The following FILIP1L variants were observed in gnomAD, a reference collection of about 807,000 sequenced individuals.
The protein encoded by FILIP1L is filamin A interacting protein 1 like, also known as filamin A-interacting protein 1-like.
A neutral mutation model predicts 96.6 loss-of-function variants in FILIP1L; 55 were observed. That is an observed-to-expected ratio of 0.57 (90% CI 0.46 to 0.71). FILIP1L has a LOEUF of 0.71. FILIP1L is among the 30% of genes least tolerant of loss of function. FILIP1L has a pLI of 0.00. For missense variants in FILIP1L, 1,304 were observed against 1,321.2 expected, an observed-to-expected ratio of 0.99 and a Z score of 0.20; for synonymous variants, 467 against 473.9, an observed-to-expected ratio of 0.99 and a Z score of 0.19.
intron 1 of FILIP1L, among the ~76,000 whole-genome samples, chr3:100,006,480 A>G (rs1709989682): frequency 6.6e-6 from 1 of 152,082 alleles, no homozygotes; most frequent in South Asian, 2.1e-4. Flanking sequence ...TGAGGTTATC[A>G]TCTATAATTT....
chr3:100,022,627 A>T (rs976127062), intron 1 of FILIP1L, among the ~76,000 whole-genome samples: 4 of 152,218 alleles, frequency 2.6e-5, no homozygotes, highest in Admixed American at 2.6e-4. Flanking sequence ...ATACCCAGAA[A>T]CTGGCCAAGC....
chr3:99,848,068 A>G, intron 5 of FILIP1L: 1 of 1,309,718 alleles, frequency 7.6e-7, no homozygotes. Context: ...TTTCCATACA[A>G]GTATGTAAAT....
intron 1 of FILIP1L, among the ~76,000 whole-genome samples, chr3:100,098,829 A>C (rs2066256925): frequency 6.6e-6 from 1 of 152,238 alleles, no homozygotes; most frequent in Non-Finnish European, 1.5e-5. Context: ...GGGATCTCAA[A>C]TGGCTTCCTT....
At chr3:99,912,441 A>G (rs1159989646) in intron 4 of FILIP1L, among the ~76,000 whole-genome samples, 1 of 152,098 alleles carries the variant, frequency 6.6e-6, no homozygotes, top group Non-Finnish European at 1.5e-5. Flanking sequence ...TAATGGCGTG[A>G]TCTCGGCTTA....
intron 4 of FILIP1L, among the ~76,000 whole-genome samples, chr3:99,916,851 G>A (rs564325162): frequency 2.6e-4 from 40 of 152,222 alleles, no homozygotes; most frequent in Middle Eastern, 6.8e-3. Context: ...TCATCTTCAC[G>A]GCTGGCCAAA....
At chr3:99,832,335 A>C (rs1159279179) in intron 5 of FILIP1L, among the ~76,000 whole-genome samples, 10 of 144,196 alleles carry the variant, frequency 6.9e-5, no homozygotes, top group African/African-American at 2.3e-4. Context: ...GGCTCCCGCC[A>C]TTCTCCTGCC....
chr3:99,842,566 C>G (rs1251064764), intron 5 of FILIP1L, among the ~76,000 whole-genome samples: 1 of 149,948 alleles, frequency 6.7e-6, no homozygotes, highest in Admixed American at 6.6e-5. Flanking sequence ...GACCATTTGG[C>G]TATGAGGAGG....
intron 1 of FILIP1L, among the ~76,000 whole-genome samples, chr3:99,956,369 G>A (rs1387937994): frequency 6.6e-6 from 1 of 152,024 alleles, no homozygotes; most frequent in Non-Finnish European, 1.5e-5. Context: ...GTTTGTTTTT[G>A]TGAGATGGAC....
chr3:100,114,207 C>T lies in FILIP1L; in HGVS notation c.-165G>A, dbSNP rs957463597. 6.6e-6 allele frequency: 1 copy of T among 152,114 alleles called. No individual in the cohort carries two copies. Among genetic ancestry groups the T allele is most frequent in the Non-Finnish European group, 1.5e-5 (1 of 68,076 alleles). 9.4% of individuals were successfully genotyped at this position (152,114 alleles called of 1,614,324 possible). ...TTTGTTTTGTAGGCTTGAAAGCCACCGAGAGTTTGCAACCAGGGGCCAGTG... is the reference window on the plus strand; with the variant it reads ...TTTGTTTTGTAGGCTTGAAAGCCACTGAGAGTTTGCAACCAGGGGCCAGTG... On this transcript the variant is annotated 5_prime_UTR_variant, in exon 1 of 6. Coordinates refer to ENST00000477258, the MANE Select transcript of FILIP1L (RefSeq NM_001387850.1).
intron 1 of FILIP1L, among the ~76,000 whole-genome samples, chr3:99,956,636 C>T (rs566306572): frequency 3.3e-5 from 5 of 152,196 alleles, no homozygotes; most frequent in African/African-American, 1.2e-4. Context: ...CGTGAGCCCC[C>T]GCGCCCAGCC....
At chr3:99,946,904 G>C (rs551502259) in intron 1 of FILIP1L, among the ~76,000 whole-genome samples, 49 of 152,258 alleles carry the variant, frequency 3.2e-4, no homozygotes, top group African/African-American at 1.2e-3. Flanking sequence ...GCTAACAGAG[G>C]TGGGCGGATC....
chr3:99,928,596 A>T (rs964868623), intron 3 of FILIP1L, among the ~76,000 whole-genome samples: 3 of 152,134 alleles, frequency 2.0e-5, no homozygotes, highest in Non-Finnish European at 4.4e-5. Flanking sequence ...ATTATTTTGT[A>T]ATTAAATTTT....
At chr3:99,853,152 C>A (rs1943788769) in intron 4 of FILIP1L, among the ~76,000 whole-genome samples, 1 of 152,136 alleles carries the variant, frequency 6.6e-6, no homozygotes, top group South Asian at 2.1e-4. Context: ...ACTTCTCAAC[C>A]CAGTGGCAGA....
At chr3:100,068,934 C>T (rs2107366415) in intron 1 of FILIP1L, among the ~76,000 whole-genome samples, 1 of 152,306 alleles carries the variant, frequency 6.6e-6, no homozygotes, top group Middle Eastern at 3.4e-3. Context: ...TGCTCTCACC[C>T]TCGCCCAGCA....
At chr3:100,046,452 A>T (rs539422436) in intron 1 of FILIP1L, among the ~76,000 whole-genome samples, 15 of 151,812 alleles carry the variant, frequency 9.9e-5, no homozygotes, top group African/African-American at 3.6e-4. Flanking sequence ...GTTTACTAGT[A>T]GTAGCCTAAC....
At chr3:100,007,844 C>T (rs1205392230) in intron 1 of FILIP1L, among the ~76,000 whole-genome samples, 2 of 152,148 alleles carry the variant, frequency 1.3e-5, no homozygotes, top group East Asian at 1.9e-4. Flanking sequence ...GGAGTACAGA[C>T]AGGTGTCTAT....
At chr3:99,875,153 CT>C (rs1705447280) in intron 4 of FILIP1L, among the ~76,000 whole-genome samples, 1 of 152,034 alleles carries the variant, frequency 6.6e-6, no homozygotes, top group Non-Finnish European at 1.5e-5. Context: ...TTGACATAAC[CT>C]TTTTATTTTT....
intron 1 of FILIP1L, among the ~76,000 whole-genome samples, chr3:100,082,456 T>C (rs1251605977): frequency 6.6e-6 from 1 of 152,222 alleles, no homozygotes; most frequent in Admixed American, 6.5e-5. Context: ...GACTGGTAGT[T>C]AGTTAATGGT....
At chr3:99,875,982 A>G in intron 4 of FILIP1L, 1 of 874,052 alleles carries the variant, frequency 1.1e-6, no homozygotes. Flanking sequence ...TGTGATGCTG[A>G]GACAGCTTTA....
Sources: allele counts gnomAD v4.1 joint callset (sites outside exome capture counted in the v4.1 genomes callset), GRCh38; gene constraint gnomAD v4.1.1; transcripts MANE v1.5; gene names NCBI Gene and HGNC (gene_info 2026-07-23, HGNC 2026-07-21).